The following VWA3A variants were observed in gnomAD, a reference collection of about 807,000 sequenced individuals.
VWA3A encodes von Willebrand factor A domain containing 3A.
In VWA3A, 134 loss-of-function variants were observed where a neutral mutation model predicts 160.4. That is an observed-to-expected ratio of 0.84 (90% CI 0.73 to 0.96). The LOEUF (loss-of-function observed/expected upper bound fraction) is 0.96. Ranked by LOEUF, VWA3A falls within the 40% of genes least tolerant of loss-of-function variation. The pLI is 0.00. For missense variants in VWA3A, 1,310 were observed against 1,447.9 expected, an observed-to-expected ratio of 0.90 and a Z score of 1.55; for synonymous variants, 476 against 543.4, an observed-to-expected ratio of 0.88 and a Z score of 1.72.
At position 22,141,443 on chromosome 16, in the gene VWA3A, AG is replaced by A. The variant is rs2046147268; in HGVS notation, c.2384-136del. 4 of 726,390 alleles carry A rather than the reference AG, an allele frequency of 5.5e-6. No homozygotes were observed. In the East Asian group the frequency reaches 1.1e-4, roughly 20 times the overall value. The allele number at this position is 726,390 out of a possible 1,614,324, so 45.0% of individuals were successfully genotyped here. A position where few individuals can be genotyped will look rare whatever the true frequency, so the allele number is the denominator to read the frequency against. On this transcript the variant is annotated intron_variant, in intron 23 of 33. Coordinates refer to ENST00000389398, the MANE Select transcript of VWA3A (RefSeq NM_173615.5). ...CCAGAGACCTGGCGGGGGAGGACACAGGGTGCCTTGAAGCCATCTTGGAGCC... is the reference window on the plus strand; with the variant it reads ...CCAGAGACCTGGCGGGGGAGGACACAGGTGCCTTGAAGCCATCTTGGAGCC...
rs1230494407 is a variant in VWA3A at position 22,151,028 on chromosome 16, C to G, written c.3281+182C>G. Among the ~76,000 whole-genome samples, 3 of 152,098 alleles carry G rather than the reference C, an allele frequency of 2.0e-5. No homozygotes were observed. In the East Asian group the frequency reaches 5.8e-4, roughly 29 times the overall value. The stretch of plus-strand genomic sequence containing the variant: ...GGCATGCTGGCTCACGCCTGTAATC[C>G]CAGCATTTTGGGAGGTTGAGGCAGG... On this transcript the variant is annotated intron_variant, in intron 30 of 33. Coordinates refer to ENST00000389398, the MANE Select transcript of VWA3A (RefSeq NM_173615.5).
chr16:22,109,389 A>C, intron 6 of VWA3A, 93 bp from the exon 7 acceptor site: 1 of 1,037,446 alleles, frequency 9.6e-7, no homozygotes, highest in Admixed American at 2.1e-5. Flanking sequence ...GGGGTGAGGA[A>C]AGTGTTTGCA....
At chr16:22,141,972 T>C (rs934546210) in intron 24 of VWA3A, among the ~76,000 whole-genome samples, 4 of 152,180 alleles carry the variant, frequency 2.6e-5, no homozygotes, top group African/African-American at 9.7e-5. Flanking sequence ...TTTCCTTAGC[T>C]CTAAGGCAGA....
In VWA3A at chr16:22,115,971, G is replaced by GGAGA. The variant is rs71769438; in HGVS notation, c.815+515_815+518dup. Among the ~76,000 whole-genome samples the GGAGA allele has an allele frequency of 3.6e-4, 22 of 60,638 alleles. 1 individual carries two copies. In the South Asian group the frequency reaches 0.018, roughly 51 times the overall value. The allele number at this position is 60,638 out of a possible 152,430, so 39.8% of individuals were successfully genotyped here. On this transcript the variant is annotated intron_variant, in intron 9 of 33. Transcript: ENST00000389398. ...AGGGGGTGGGGAGGGAGGGAGGGAG[G>GGAGA]GAGAGAGAGAGAGAGAGAGGAGAGA...
intron 17 of VWA3A, among the ~76,000 whole-genome samples, chr16:22,129,723 G>A (rs76053860): frequency 0.078 from 11,806 of 152,078 alleles, 664 homozygotes; most frequent in East Asian, 0.21. Context: ...ATGCGAAGAG[G>A]AGAGAGAAGA....
Position 22,148,313 on chromosome 16 carries a change from G to C in VWA3A, c.2984+7G>C, listed in dbSNP as rs1171262191. ...TGCGGAAGTGCTGTGACAGGTAGGA[G>C]GCGAGGGCTGATCAGGAAGATCAAA... On this transcript the variant is annotated splice_region_variant and intron_variant, in intron 28 of 33. Transcript: ENST00000389398. 1 of 1,588,764 alleles carries C rather than the reference G, an allele frequency of 6.3e-7. No individual in the cohort carries two copies. The highest frequency in any genetic ancestry group is 1.3e-5 in the African/African-American group (1 of 74,502).
chr16:22,149,553 G>T (rs973099629), intron 28 of VWA3A, among the ~76,000 whole-genome samples: 2 of 152,112 alleles, frequency 1.3e-5, no homozygotes, highest in Non-Finnish European at 2.9e-5. Flanking sequence ...CTTGGGCTGG[G>T]ATTTAAATCT....
At chr16:22,148,350 T>A (rs1437031116) in intron 28 of VWA3A, 44 bp downstream of exon 28, 1 of 1,552,700 alleles carries the variant, frequency 6.4e-7, no homozygotes, top group Admixed American at 2.0e-5. Flanking sequence ...GGGCAGTTCC[T>A]GGGGCTTCCC....
chr16:22,151,592 C>T (rs1044314551), intron 30 of VWA3A, among the ~76,000 whole-genome samples: 1 of 152,094 alleles, frequency 6.6e-6, no homozygotes, highest in Non-Finnish European at 1.5e-5. Context: ...TGTGCTATGA[C>T]CGGGCACAAT....
intron 26 of VWA3A, among the ~76,000 whole-genome samples, chr16:22,145,328 G>T (rs2046228719): frequency 6.6e-6 from 1 of 152,120 alleles, no homozygotes; most frequent in Admixed American, 6.5e-5. Flanking sequence ...ACCATTTAGA[G>T]TTTTCTATTT....
At position 22,140,200 on chromosome 16, in the gene VWA3A, C is replaced by T; in HGVS notation, c.2339C>T (p.Ser780Phe). 1 of 1,613,790 alleles carries T rather than the reference C, an allele frequency of 6.2e-7. No homozygotes were observed. The highest frequency in any genetic ancestry group is 8.5e-7 in the Non-Finnish European group (1 of 1,179,806). ...PDREKSPPLKSLKWRPLSSRV... is the reference protein window; with the variant it reads ...PDREKSPPLKFLKWRPLSSRV... ...AGAGAGAAGAGCCCCCCGCTGAAAT[C>T]TCTGAAATGGCGTCCACTCAGTAGC... Residue 780 changes from serine to phenylalanine, a missense_variant, in exon 23 of 34, where the codon TCT becomes TTT. Transcript: ENST00000389398.
chr16:22,155,722 C>T (rs549738015), intron 32 of VWA3A, 58 bp downstream of exon 32: 33 of 1,601,852 alleles, frequency 2.1e-5, no homozygotes, highest in South Asian at 1.4e-4. Context: ...ATGCAGACCC[C>T]GGACCCCATC....
At chr16:22,111,043 C>T (rs1480704949) in intron 8 of VWA3A, 49 bp downstream of exon 8, 4 of 1,480,994 alleles carry the variant, frequency 2.7e-6, no homozygotes, top group South Asian at 2.5e-5. Context: ...TCATTTTCCT[C>T]CCTAACCAGC....
chr16:22,120,881 T>A, intron 12 of VWA3A, 87 bp from the exon 13 acceptor site: 1 of 1,515,234 alleles, frequency 6.6e-7, no homozygotes, highest in Non-Finnish European at 9.0e-7. Flanking sequence ...GAAGCTCCAC[T>A]TGCATTGACT....
chr16:22,107,256 G>T (rs2045495124), intron 6 of VWA3A, among the ~76,000 whole-genome samples: 1 of 152,162 alleles, frequency 6.6e-6, no homozygotes, highest in South Asian at 2.1e-4. Flanking sequence ...GACATTTTAG[G>T]TTGTCATTGC....
chr16:22,137,707 T>C (rs1225981775), intron 21 of VWA3A, among the ~76,000 whole-genome samples: 1 of 152,176 alleles, frequency 6.6e-6, no homozygotes, highest in Non-Finnish European at 1.5e-5. Flanking sequence ...ACTAGTTGAG[T>C]GCAGGCTGGA....
intron 15 of VWA3A, chr16:22,123,400 T>TC: frequency 6.8e-7 from 1 of 1,480,892 alleles, no homozygotes; most frequent in Middle Eastern, 1.7e-4. Flanking sequence ...TCTGCTTCCT[T>TC]CCCCATTTGA....
rs117557705 is a variant in VWA3A at position 22,143,243 on chromosome 16, G to A, written c.2592+478G>A. ...AAATAGACCTAAATTCAAAATCTAG[G>A]TCTGCCACTTCCTGCCTGGGTGACC... On this transcript the variant is annotated intron_variant, in intron 25 of 33. Coordinates refer to ENST00000389398, the MANE Select transcript of VWA3A (RefSeq NM_173615.5). Among the ~76,000 whole-genome samples, 475 of 152,072 alleles carry A rather than the reference G, an allele frequency of 3.1e-3. 4 individuals are homozygous for A. Among genetic ancestry groups the A allele is most frequent in the Middle Eastern group, 3.5e-3 (1 of 288 alleles).
At chr16:22,131,814 C>T (rs541851719) in intron 19 of VWA3A, 85 bp downstream of exon 19, 24 of 1,494,142 alleles carry the variant, frequency 1.6e-5, no homozygotes, top group Non-Finnish European at 2.1e-5. Context: ...AAGGTTTCTG[C>T]AGCATGATTT....
Sources: gnomAD v4.1 joint callset for allele counts (sites outside exome capture counted in the v4.1 genomes callset) on GRCh38, gnomAD v4.1.1 for gene constraint, MANE v1.5 for transcripts, NCBI Gene and HGNC (gene_info 2026-07-23, HGNC 2026-07-21) for gene names.